GPC5: variants seen among roughly 807,000 people sequenced by gnomAD.
GPC5 encodes the protein glypican 5.
Under a neutral mutation model 53.9 loss-of-function variants are expected in GPC5, and 47 were observed. The observed-to-expected ratio is 0.87, with a 90% CI of 0.69 to 1.11. GPC5 has a LOEUF of 1.11. GPC5 is among the 50% of genes most tolerant of loss of function. The pLI is 0.00. For synonymous variants in GPC5, 286 were observed against 263.3 expected (o/e 1.09, Z -0.84); for missense variants, 748 against 713.1 (o/e 1.05, Z -0.56).
chr13:92,109,109 CA>C (rs1312493413), intron 6 of GPC5, among the ~76,000 whole-genome samples: 2 of 147,692 alleles, frequency 1.4e-5, no homozygotes, highest in Non-Finnish European at 3.0e-5. Flanking sequence ...GTGTGTCACC[CA>C]GGCTGGAGTG....
intron 7 of GPC5, among the ~76,000 whole-genome samples, chr13:92,592,431 C>T (rs1331072657): frequency 6.6e-6 from 1 of 151,330 alleles, no homozygotes; most frequent in East Asian, 1.9e-4. Context: ...TTTCTTCTCT[C>T]ACCCTTCTTA....
chr13:92,316,915 G>A (rs1229725377), intron 7 of GPC5, among the ~76,000 whole-genome samples: 2 of 152,004 alleles, frequency 1.3e-5, no homozygotes, highest in Non-Finnish European at 1.5e-5. Context: ...TCATACTTCT[G>A]AATGTGAAAT....
intron 7 of GPC5, among the ~76,000 whole-genome samples, chr13:92,522,809 A>G (rs1881116600): frequency 6.6e-6 from 1 of 152,150 alleles, no homozygotes; most frequent in South Asian, 2.1e-4. Context: ...TGTTTCTAAC[A>G]CATCTCAACT....
chr13:91,403,530 G>A (rs1846036527), intron 1 of GPC5, among the ~76,000 whole-genome samples: 1 of 152,132 alleles, frequency 6.6e-6, no homozygotes, highest in African/African-American at 2.4e-5. Context: ...AGAGGGGAAT[G>A]TTTAGTTATT....
At chr13:92,264,131 G>A (rs1479967532) in intron 7 of GPC5, among the ~76,000 whole-genome samples, 1 of 151,630 alleles carries the variant, frequency 6.6e-6, no homozygotes, top group Non-Finnish European at 1.5e-5. Flanking sequence ...AATTCCAGAG[G>A]CTATCATATT....
chr13:91,428,922 G>C (rs890447703), intron 1 of GPC5, among the ~76,000 whole-genome samples: 3 of 151,886 alleles, frequency 2.0e-5, no homozygotes, highest in Admixed American at 2.0e-4. Context: ...GTTTTGTTTT[G>C]TTTTCTTTTC....
chr13:92,048,924 A>G (rs2041005107), intron 6 of GPC5, among the ~76,000 whole-genome samples: 1 of 152,230 alleles, frequency 6.6e-6, no homozygotes, highest in Admixed American at 6.5e-5. Flanking sequence ...TCATTGTTAG[A>G]ATAATCATGA....
chr13:92,837,768 T>C (rs1768719596), intron 7 of GPC5, among the ~76,000 whole-genome samples: 1 of 152,112 alleles, frequency 6.6e-6, no homozygotes, highest in South Asian at 2.1e-4. Flanking sequence ...AAGGCTGGAA[T>C]AAACCAGAGG....
intron 2 of GPC5, among the ~76,000 whole-genome samples, chr13:91,685,320 A>G (rs2139761525): frequency 6.6e-6 from 1 of 152,344 alleles, no homozygotes. Flanking sequence ...AAAATAAAAT[A>G]GCCAATCTGT....
At chr13:92,106,152 A>G (rs1207419663) in intron 6 of GPC5, among the ~76,000 whole-genome samples, 4 of 152,010 alleles carry the variant, frequency 2.6e-5, no homozygotes, top group Non-Finnish European at 1.5e-5. Flanking sequence ...TAAGTTATCT[A>G]TGTGTTTAAA....
At chr13:92,512,574 T>G (rs28723564) in intron 7 of GPC5, among the ~76,000 whole-genome samples, 11,490 of 152,200 alleles carry the variant, frequency 0.075, 1,313 homozygotes, top group African/African-American at 0.25. Context: ...TGAATTGTAG[T>G]AACCCAGATG....
chr13:91,469,879 A>C (rs9560808), intron 2 of GPC5, among the ~76,000 whole-genome samples: 49,319 of 152,032 alleles, frequency 0.32, 8,337 homozygotes, highest in East Asian at 0.58. Context: ...GTCTCTACTA[A>C]AAATACAAAA....
chr13:91,833,248 A>G (rs1022247586), intron 5 of GPC5, among the ~76,000 whole-genome samples: 2 of 152,214 alleles, frequency 1.3e-5, no homozygotes, highest in African/African-American at 4.8e-5. Context: ...TAAGGCAGCA[A>G]TTAATAGCCT....
chr13:91,685,017 TC>T (rs1410586378), intron 2 of GPC5, among the ~76,000 whole-genome samples: 2 of 152,204 alleles, frequency 1.3e-5, no homozygotes, highest in African/African-American at 4.8e-5. Context: ...CTCTTTTTCA[TC>T]ACTGAGGCTT....
intron 6 of GPC5, among the ~76,000 whole-genome samples, chr13:92,119,308 A>T (rs2041625966): frequency 6.6e-6 from 1 of 150,644 alleles, no homozygotes. Context: ...TGTGGGAATT[A>T]TGGGAGCTAA....
chr13:91,448,294 T>C (rs75007845), intron 1 of GPC5, among the ~76,000 whole-genome samples: 7,871 of 152,296 alleles, frequency 0.052, 310 homozygotes, highest in East Asian at 0.18. Flanking sequence ...ACGAGCCTGA[T>C]GGCAGCTGAG....
At chr13:91,986,088 C>T (rs1215876381) in intron 6 of GPC5, among the ~76,000 whole-genome samples, 19 of 60,066 alleles carry the variant, frequency 3.2e-4, no homozygotes, top group African/African-American at 9.9e-4. Context: ...TTTTTTGAGA[C>T]GGAGTCTTGC....
chr13:91,748,018 C>T (rs988123667), intron 4 of GPC5, among the ~76,000 whole-genome samples: 3 of 152,206 alleles, frequency 2.0e-5, no homozygotes, highest in Admixed American at 6.5e-5. Flanking sequence ...GCTCAGTTCT[C>T]ATCCCGGACC....
chr13:91,761,007 T>C (rs1203599470), intron 5 of GPC5, among the ~76,000 whole-genome samples: 1 of 152,198 alleles, frequency 6.6e-6, no homozygotes, highest in Non-Finnish European at 1.5e-5. Flanking sequence ...CAGTCTCTTT[T>C]ATCTCCCCTT....
Sources: gnomAD v4.1 joint callset for allele counts (sites outside exome capture counted in the v4.1 genomes callset) on GRCh38, gnomAD v4.1.1 for gene constraint, MANE v1.5 for transcripts, NCBI Gene and HGNC (gene_info 2026-07-23, HGNC 2026-07-21) for gene names.